Variants in TJP2 observed in about 807,000 individuals in gnomAD.
The protein encoded by TJP2 is tight junction protein 2.
Under a neutral mutation model 133.1 loss-of-function variants are expected in TJP2, and 91 were observed. The ratio of observed to expected loss-of-function variants is 0.68; its 90% confidence interval spans 0.58 to 0.81. The LOEUF (loss-of-function observed/expected upper bound fraction) is 0.81. Ranked by LOEUF, TJP2 falls within the 40% of genes least tolerant of loss-of-function variation. TJP2 has a pLI of 0.00. For synonymous variants in TJP2, 592 were observed against 583.4 expected (o/e 1.01, Z -0.21); for missense variants, 1,541 against 1,565.6 (o/e 0.98, Z 0.26).
intron 1 of TJP2, among the ~76,000 whole-genome samples, chr9:69,197,138 G>A (rs1471202072): frequency 6.6e-6 from 1 of 152,056 alleles, no homozygotes; most frequent in African/African-American, 2.4e-5. Flanking sequence ...CTAATTTTTT[G>A]TGTTTTTAGT....
chr9:69,232,068 A>T (rs182532304), intron 11 of TJP2, among the ~76,000 whole-genome samples: 169 of 152,326 alleles, frequency 1.1e-3, no homozygotes, highest in Non-Finnish European at 1.8e-3. Flanking sequence ...AGTTGTTGTT[A>T]GATGGGGAGA....
Position 69,227,819 on chromosome 9 carries a change from A to T in TJP2, c.1265A>T (p.Gln422Leu). Residue 422 changes from glutamine to leucine, a missense_variant, in exon 8 of 23, where the codon CAG becomes CTG. Coordinates refer to ENST00000377245, the MANE Select transcript of TJP2 (RefSeq NM_004817.4). ...TTTTCTCCAGAGGAGAGACGTCATCAGTATTCTGATTATGATTATCATTCC... is the reference window on the plus strand; with the variant it reads ...TTTTCTCCAGAGGAGAGACGTCATCTGTATTCTGATTATGATTATCATTCC... ...RSFSPEERRH[Q>L]YSDYDYHSSS... The T allele has an allele frequency of 6.2e-7, 1 of 1,614,086 alleles. No individual in the cohort carries two copies. The highest frequency in any genetic ancestry group is 8.5e-7 in the Non-Finnish European group (1 of 1,179,938).
At chr9:69,149,783 G>C (rs1823381434) in intron 1 of TJP2, among the ~76,000 whole-genome samples, 1 of 152,102 alleles carries the variant, frequency 6.6e-6, no homozygotes, top group Non-Finnish European at 1.5e-5. Context: ...TATTTCTTGG[G>C]TTTTCTTGGT....
intron 1 of TJP2, among the ~76,000 whole-genome samples, chr9:69,132,946 T>C (rs1236206910): frequency 1.4e-5 from 2 of 147,544 alleles, no homozygotes; most frequent in Admixed American, 1.4e-4. Flanking sequence ...CATTTCTTCA[T>C]CTAAAAACAG....
chr9:69,212,526 T>G, intron 1 of TJP2, 22 bp from the exon 2 acceptor site: 6 of 1,594,850 alleles, frequency 3.8e-6, no homozygotes, highest in Non-Finnish European at 5.2e-6. Context: ...TTCATCAGAT[T>G]GGTTTTGTTC....
Position 69,174,779 on chromosome 9 carries a change from C to A in TJP2, c.60+347C>A. ...TTGCATGTCTTTGTGTTTTCCTTCT[C>A]TATTTCAAACCACACTCGGTATTGA... On this transcript the variant is annotated intron_variant, in intron 1 of 22. Transcript: ENST00000377245. Among the ~76,000 whole-genome samples, 2 of 50,552 alleles carry A rather than the reference C, an allele frequency of 4.0e-5. 1 individual carries two copies. Among genetic ancestry groups the A allele is most frequent in the East Asian group, 2.7e-3 (2 of 732 alleles). 33.2% of individuals were successfully genotyped at this position (50,552 alleles called of 152,430 possible).
At chr9:69,162,667 T>C (rs538973119) in intron 2 of TJP2, among the ~76,000 whole-genome samples, 4 of 152,368 alleles carry the variant, frequency 2.6e-5, no homozygotes, top group East Asian at 1.9e-4. Flanking sequence ...TCTATTCTTA[T>C]GTAGAAATAG....
rs376625174 is a variant in TJP2 at position 69,154,444 on chromosome 9, A to G, written c.-10+2673A>G. 3.2e-4 allele frequency among the ~76,000 whole-genome samples: 48 copies of G among 152,264 alleles called. No individual in the cohort carries two copies. In the South Asian group the frequency reaches 5.6e-3, roughly 18 times the overall value. ...TTCTGGAGTCTCTCCTCTGATGAGC[A>G]CTGTTTGCCTGAGGCTGGATTTTTG... On this transcript the variant is annotated intron_variant, in intron 2 of 5. Transcript: ENST00000423935.
chr9:69,173,880 C>T (rs1315622438), upstream of TJP2, among the ~76,000 whole-genome samples: 8 of 152,200 alleles, frequency 5.3e-5, no homozygotes, highest in Admixed American at 4.6e-4. Context: ...ACTTGCAGCA[C>T]TTCCCAGAGC....
At chr9:69,188,586 A>C (rs1588007660) in intron 1 of TJP2, among the ~76,000 whole-genome samples, 1 of 152,178 alleles carries the variant, frequency 6.6e-6, no homozygotes. Flanking sequence ...TTCCTAGAGA[A>C]TCTTAAGTAA....
At chr9:69,228,381 T>A (rs1829508092) in intron 9 of TJP2, among the ~76,000 whole-genome samples, 1 of 151,956 alleles carries the variant, frequency 6.6e-6, no homozygotes, top group Admixed American at 6.6e-5. Context: ...AAGGAGGAGA[T>A]GGAAAGGGTT....
chr9:69,161,886 A>T lies in TJP2; in HGVS notation c.-10+10115A>T, dbSNP rs113379755. Among the ~76,000 whole-genome samples the T allele has an allele frequency of 1.9e-3, 283 of 149,990 alleles. 3 individuals carry two copies. The highest frequency in any genetic ancestry group is 6.8e-3 in the African/African-American group (279 of 41,184). On this transcript the variant is annotated intron_variant, in intron 2 of 5. Coordinates refer to the TJP2 transcript ENST00000423935. Reference sequence around the variant, plus strand: ...AACATGGTGGAACCCTGTCTGTACTAAAAAATACAAAATTAGCCGGCGTGG... The same window carrying T: ...AACATGGTGGAACCCTGTCTGTACTTAAAAATACAAAATTAGCCGGCGTGG...
chr9:69,151,818 C>T, intron 2 of TJP2: 4 of 1,231,828 alleles, frequency 3.2e-6, no homozygotes, highest in Non-Finnish European at 3.0e-6. Flanking sequence ...TGGTCTCCCC[C>T]AAAATTTGTT....
At position 69,122,511 on chromosome 9, in the gene TJP2, A is replaced by AG. The variant is rs368588529; in HGVS notation, c.-131+789dup. On this transcript the variant is annotated intron_variant, in intron 1 of 5. Coordinates refer to the TJP2 transcript ENST00000423935. ...ATTTTCACTTTCTGACCCATTTGTA[A>AG]GGGAGGGGCCGAGCTTGTCAGCATA... Among the ~76,000 whole-genome samples the AG allele has an allele frequency of 1.2e-3, 182 of 152,314 alleles. 1 individual carries two copies. Among genetic ancestry groups the AG allele is most frequent in the African/African-American group, 4.3e-3 (177 of 41,582 alleles).
At chr9:69,252,962 G>A (rs1334066061) in intron 22 of TJP2, 62 bp downstream of exon 22, 4 of 1,510,046 alleles carry the variant, frequency 2.6e-6, no homozygotes, top group Non-Finnish European at 3.7e-6. Flanking sequence ...GGGACTTGAA[G>A]AAAGAATTTC....
chr9:69,251,977 T>C (rs1319133810), intron 21 of TJP2, among the ~76,000 whole-genome samples: 2 of 152,082 alleles, frequency 1.3e-5, no homozygotes, highest in Non-Finnish European at 2.9e-5. Flanking sequence ...AACCACTTTT[T>C]TCTTTTATTT....
At chr9:69,245,852 A>C (rs1465350975) in intron 17 of TJP2, among the ~76,000 whole-genome samples, 1 of 152,228 alleles carries the variant, frequency 6.6e-6, no homozygotes, top group Non-Finnish European at 1.5e-5. Context: ...TATTCTTTGA[A>C]TACACACTGG....
chr9:69,210,027 C>G lies in TJP2; in HGVS notation c.61-2521C>G, dbSNP rs532300319. Among the ~76,000 whole-genome samples, 3 of 152,212 alleles carry G rather than the reference C, an allele frequency of 2.0e-5. No homozygotes were observed. The South Asian group carries it at 6.2e-4, about 32-fold the overall frequency. ...GTAGGCTGGGCACGGTGTCTCACAC[C>G]TGTAATCCCGGCATTTTGGGAGGCT... On this transcript the variant is annotated intron_variant, in intron 1 of 22. Coordinates refer to ENST00000377245, the MANE Select transcript of TJP2 (RefSeq NM_004817.4).
chr9:69,178,022 G>T (rs1250949829), intron 1 of TJP2, among the ~76,000 whole-genome samples: 1 of 151,970 alleles, frequency 6.6e-6, no homozygotes, highest in Non-Finnish European at 1.5e-5. Context: ...AACAGTGACG[G>T]CTCCATTCTG....
Sources: gnomAD v4.1 joint callset for allele counts (sites outside exome capture counted in the v4.1 genomes callset) on GRCh38, gnomAD v4.1.1 for gene constraint, MANE v1.5 for transcripts, NCBI Gene and HGNC (gene_info 2026-07-23, HGNC 2026-07-21) for gene names.